The following RPN2 variants were observed in gnomAD, a reference collection of about 807,000 sequenced individuals.
The protein encoded by RPN2 is ribophorin II.
In RPN2, 29 loss-of-function variants were observed where a neutral mutation model predicts 71.4. The ratio of observed to expected loss-of-function variants is 0.41; its 90% CI spans 0.30 to 0.55. The LOEUF is 0.55. Among genes scored for constraint, RPN2 ranks in the 20% least tolerant of loss-of-function variants. The pLI is 0.35. For synonymous variants in RPN2, 308 were observed against 305.0 expected, an observed-to-expected ratio of 1.01 and a Z score of -0.10; for missense variants, 726 against 774.1, an observed-to-expected ratio of 0.94 and a Z score of 0.74.
At chr20:37,187,913 G>T (rs908145780) in intron 2 of RPN2, among the ~76,000 whole-genome samples, 1 of 152,084 alleles carries the variant, frequency 6.6e-6, no homozygotes. Flanking sequence ...AAAATGCTGG[G>T]ATTACACGCG....
At chr20:37,236,443 A>G in intron 15 of RPN2, 137 bp from the exon 16 acceptor site, 1 of 926,124 alleles carries the variant, frequency 1.1e-6, no homozygotes, top group Non-Finnish European at 1.7e-6. Context: ...TTTTGGCATC[A>G]GAGCAAAGGA....
Position 37,217,552 on chromosome 20 carries a change from A to G in RPN2, c.1092+3687A>G, listed in dbSNP as rs1396157492. Among the ~76,000 whole-genome samples the G allele has an allele frequency of 3.9e-5, 6 of 152,078 alleles. No homozygotes were observed. In the East Asian group the frequency reaches 1.2e-3, roughly 30 times the overall value. On this transcript the variant is annotated intron_variant, in intron 9 of 16. Transcript: ENST00000237530. ...GTGATCCGCCTGCCTCGGCCTCCCA[A>G]AATGCTGGGATTACAGGCGTGAGCC...
intron 7 of RPN2, among the ~76,000 whole-genome samples, chr20:37,209,148 G>A (rs2146604466): frequency 6.6e-6 from 1 of 152,258 alleles, no homozygotes; most frequent in Middle Eastern, 3.4e-3. Flanking sequence ...TTCTTCACCT[G>A]TGCAATAAGG....
chr20:37,198,539 A>G (rs2146561779), intron 3 of RPN2, 47 bp downstream of exon 3: 1 of 1,613,674 alleles, frequency 6.2e-7, no homozygotes, highest in Non-Finnish European at 8.5e-7. Context: ...TATTTAAAGT[A>G]CATTTTTAAA....
At chr20:37,192,658 C>T (rs2067168282) in intron 2 of RPN2, among the ~76,000 whole-genome samples, 1 of 152,144 alleles carries the variant, frequency 6.6e-6, no homozygotes, top group Non-Finnish European at 1.5e-5. Flanking sequence ...AATATGTTGT[C>T]TAATAGCTGA....
rs2068319449 is a variant in RPN2, at chr20:37,234,091, T to A, written c.1749T>A (p.His583Gln). ...APSTIIFHLG[H>Q]AAMLGLMYVY... Reference sequence around the variant, plus strand: ...GCACGATTATATTTCACCTGGGACATGCTGGTAAGTGCCCCAGGCTGCTAA... The same window carrying A: ...GCACGATTATATTTCACCTGGGACAAGCTGGTAAGTGCCCCAGGCTGCTAA... Residue 583 changes from histidine to glutamine, a missense_variant, in exon 15 of 17, where the codon CAT becomes CAA. Coordinates refer to ENST00000237530, the MANE Select transcript of RPN2 (RefSeq NM_002951.5). 6.2e-7 allele frequency: 1 copy of A among 1,614,040 alleles called. No individual in the cohort carries two copies. Among genetic ancestry groups the A allele is most frequent in the Admixed American group, 1.7e-5 (1 of 60,004 alleles).
chr20:37,225,251 T>A (rs1421606871), intron 10 of RPN2, among the ~76,000 whole-genome samples: 6 of 152,216 alleles, frequency 3.9e-5, no homozygotes, highest in African/African-American at 1.4e-4. Flanking sequence ...CTTCTTTCTT[T>A]TGTGTCTCCT....
intron 2 of RPN2, among the ~76,000 whole-genome samples, chr20:37,190,463 C>G (rs2067115407): frequency 6.6e-6 from 1 of 152,166 alleles, no homozygotes; most frequent in African/African-American, 2.4e-5. Flanking sequence ...TTTAACCTTT[C>G]AAAATTGTTG....
intron 16 of RPN2, chr20:37,238,494 C>G: frequency 7.3e-7 from 1 of 1,370,062 alleles, no homozygotes; most frequent in Non-Finnish European, 1.0e-6. Flanking sequence ...GGTCCCTTCC[C>G]CGTCTTGCCC....
intron 10 of RPN2, 149 bp from the exon 11 acceptor site, chr20:37,225,539 G>A (rs2068055427): frequency 2.8e-6 from 2 of 702,372 alleles, no homozygotes; most frequent in Non-Finnish European, 5.2e-6. Context: ...CCCCCAGGTT[G>A]CAGACAGTTC....
intron 4 of RPN2, among the ~76,000 whole-genome samples, chr20:37,203,215 G>C (rs902768001): frequency 6.6e-6 from 1 of 152,100 alleles, no homozygotes; most frequent in East Asian, 1.9e-4. Context: ...GTGAGCCACC[G>C]TGCTCAACCA....
At chr20:37,198,992 C>A in intron 3 of RPN2, 58 bp from the exon 4 acceptor site, 1 of 1,400,376 alleles carries the variant, frequency 7.1e-7, no homozygotes, top group Non-Finnish European at 1.0e-6. Flanking sequence ...CTTTGCCATG[C>A]CTGCCACAAA....
intron 2 of RPN2, among the ~76,000 whole-genome samples, chr20:37,197,723 C>A (rs2067284525): frequency 6.6e-6 from 1 of 152,096 alleles, no homozygotes; most frequent in Admixed American, 6.5e-5. Flanking sequence ...CTCAGCCTCC[C>A]AGGTAGCTGG....
chr20:37,221,427 A>ACCTCAAATGGTCCTCCTGC (rs1243894911), intron 9 of RPN2, among the ~76,000 whole-genome samples: 2 of 152,110 alleles, frequency 1.3e-5, no homozygotes, highest in Non-Finnish European at 2.9e-5. Flanking sequence ...CAAACTCCTG[A>ACCTCAAATGGTCCTCCTGC]CCTCAAATGG....
chr20:37,195,474 C>A (rs1480624376), intron 2 of RPN2, among the ~76,000 whole-genome samples: 1 of 152,138 alleles, frequency 6.6e-6, no homozygotes, highest in Non-Finnish European at 1.5e-5. Context: ...TTCTAGTTCC[C>A]CTAGTTAAAA....
At chr20:37,222,852 T>A (rs772152697) in intron 9 of RPN2, among the ~76,000 whole-genome samples, 5 of 152,276 alleles carry the variant, frequency 3.3e-5, no homozygotes, top group Middle Eastern at 3.2e-3. Context: ...AATCTAATTT[T>A]AAAATTTCTC....
intron 9 of RPN2, among the ~76,000 whole-genome samples, chr20:37,214,125 C>A (rs1440990854): frequency 6.6e-6 from 1 of 152,150 alleles, no homozygotes; most frequent in Non-Finnish European, 1.5e-5. Flanking sequence ...TACTGTCTTA[C>A]ATGAAATTTA....
intron 4 of RPN2, among the ~76,000 whole-genome samples, chr20:37,202,732 G>A (rs1314780379): frequency 6.6e-6 from 1 of 152,174 alleles, no homozygotes; most frequent in African/African-American, 2.4e-5. Flanking sequence ...AGAATGAAGT[G>A]CAGATACGTG....
At chr20:37,206,794 C>T (rs534776349) in intron 6 of RPN2, among the ~76,000 whole-genome samples, 57 of 152,150 alleles carry the variant, frequency 3.7e-4, no homozygotes, top group Admixed American at 8.5e-4. Flanking sequence ...CTGCAACCTC[C>T]ACCTCCTGGG....
Sources: gnomAD v4.1 joint callset for allele counts (sites outside exome capture counted in the v4.1 genomes callset) on GRCh38, gnomAD v4.1.1 for gene constraint, MANE v1.5 for transcripts, NCBI Gene and HGNC (gene_info 2026-07-23, HGNC 2026-07-21) for gene names.